Variants in PXDNL observed in about 807,000 individuals in gnomAD.
PXDNL encodes the protein probable oxidoreductase PXDNL.
PXDNL carries 145 observed loss-of-function variants against 150.8 expected under a neutral mutation model. The observed-to-expected ratio is 0.96, with a 90% CI of 0.84 to 1.10. PXDNL has a LOEUF of 1.10. Ranked by LOEUF, PXDNL falls within the 50% of genes least tolerant of loss-of-function variation. The pLI, the probability that PXDNL is intolerant of heterozygous loss-of-function variation, is 0.00. For missense variants in PXDNL, 2,087 were observed against 1,873.9 expected (o/e 1.11, Z -2.10); for synonymous variants, 757 against 725.7 (o/e 1.04, Z -0.69).
intron 1 of PXDNL, among the ~76,000 whole-genome samples, chr8:51,745,967 C>A (rs749909507): frequency 4.1e-4 from 63 of 152,136 alleles, no homozygotes; most frequent in Non-Finnish European, 8.2e-4. Context: ...CCATGTTGAC[C>A]AGGCTGGTCT....
At chr8:51,778,299 TAATA>T (rs944849069) in intron 1 of PXDNL, among the ~76,000 whole-genome samples, 1 of 151,500 alleles carries the variant, frequency 6.6e-6, no homozygotes, top group African/African-American at 2.4e-5. Context: ...ATCAATAAAT[TAATA>T]AATAAACAAA....
chr8:51,431,840 C>G (rs1809254117), intron 12 of PXDNL, among the ~76,000 whole-genome samples: 1 of 152,132 alleles, frequency 6.6e-6, no homozygotes, highest in Non-Finnish European at 1.5e-5. Context: ...TAACTTTTTC[C>G]CAAGCTGTAT....
intron 1 of PXDNL, among the ~76,000 whole-genome samples, chr8:51,738,063 A>G (rs976906621): frequency 1.3e-5 from 2 of 152,206 alleles, no homozygotes; most frequent in Admixed American, 1.3e-4. Flanking sequence ...AGTATTGGAC[A>G]GACACACCAA....
At chr8:51,751,543 T>C (rs2037045436) in intron 1 of PXDNL, among the ~76,000 whole-genome samples, 1 of 152,204 alleles carries the variant, frequency 6.6e-6, no homozygotes, top group Non-Finnish European at 1.5e-5. Flanking sequence ...TTAGATGACT[T>C]TGTCTGACCC....
intron 17 of PXDNL, among the ~76,000 whole-genome samples, chr8:51,388,980 T>C (rs938463016): frequency 6.6e-6 from 1 of 152,244 alleles, no homozygotes; most frequent in Non-Finnish European, 1.5e-5. Flanking sequence ...TAATGTTAAA[T>C]GCACAGAGTC....
intron 1 of PXDNL, among the ~76,000 whole-genome samples, chr8:51,706,803 C>T (rs556358993): frequency 1.3e-5 from 2 of 152,276 alleles, no homozygotes; most frequent in East Asian, 3.9e-4. Context: ...TTCTTACGCT[C>T]CTCTTTGCTA....
intron 1 of PXDNL, among the ~76,000 whole-genome samples, chr8:51,723,711 C>G (rs1354805776): frequency 1.3e-5 from 2 of 152,182 alleles, no homozygotes; most frequent in Non-Finnish European, 2.9e-5. Flanking sequence ...GGAGCACCAG[C>G]AGGTCGACAA....
intron 17 of PXDNL, among the ~76,000 whole-genome samples, chr8:51,376,176 A>C (rs1235246214): frequency 6.6e-6 from 1 of 152,246 alleles, no homozygotes; most frequent in African/African-American, 2.4e-5. Flanking sequence ...AGACAATGCC[A>C]AACTGCTATC....
chr8:51,515,650 G>GA (rs1811520067), intron 4 of PXDNL, among the ~76,000 whole-genome samples: 2 of 152,220 alleles, frequency 1.3e-5, no homozygotes, highest in South Asian at 4.1e-4. Context: ...TCCCACAGGG[G>GA]AGAGAATAAG....
chr8:51,490,780 A>G (rs1431752120), intron 5 of PXDNL, among the ~76,000 whole-genome samples: 1 of 151,360 alleles, frequency 6.6e-6, no homozygotes, highest in Non-Finnish European at 1.5e-5. Flanking sequence ...CAGGGGTAGC[A>G]TAAGCAAGAT....
intron 5 of PXDNL, among the ~76,000 whole-genome samples, chr8:51,487,575 T>G (rs1226852057): frequency 1.3e-5 from 2 of 152,202 alleles, no homozygotes; most frequent in African/African-American, 4.8e-5. Flanking sequence ...CATTCAATTT[T>G]CTGCCGGAGC....
chr8:51,498,398 T>G (rs1264604741), intron 5 of PXDNL, among the ~76,000 whole-genome samples: 1 of 151,974 alleles, frequency 6.6e-6, no homozygotes, highest in African/African-American at 2.4e-5. Flanking sequence ...AACCTGCATG[T>G]TGTACACATG....
At chr8:51,621,943 CA>C (rs71237221) in intron 2 of PXDNL, among the ~76,000 whole-genome samples, 88 of 128,248 alleles carry the variant, frequency 6.9e-4, no homozygotes, top group East Asian at 4.4e-3. Context: ...GACCCTGTCT[CA>C]AAAAAAAAAA....
At chr8:51,387,671 C>T (rs2130828214) in intron 17 of PXDNL, among the ~76,000 whole-genome samples, 1 of 152,204 alleles carries the variant, frequency 6.6e-6, no homozygotes, top group Non-Finnish European at 1.5e-5. Flanking sequence ...AACGTAATTA[C>T]TAATTGAATG....
At position 51,800,482 on chromosome 8, in the gene PXDNL, GC is replaced by G. The variant is rs1172780189; in HGVS notation, c.164+8698del. ...AAGGCTTCCCCAAGGTGAGCTCTGA[GC>G]TGCTTCTGCAGAACAAGCACAGGCA... On this transcript the variant is annotated intron_variant, in intron 1 of 22. Coordinates refer to ENST00000356297, the MANE Select transcript of PXDNL (RefSeq NM_144651.5). Among the ~76,000 whole-genome samples, 7 of 152,270 alleles carry G rather than the reference GC, an allele frequency of 4.6e-5. No homozygotes were observed. The East Asian group carries it at 1.4e-3, about 29-fold the overall frequency.
At chr8:51,403,711 G>A (rs115011123) in intron 17 of PXDNL, among the ~76,000 whole-genome samples, 4,581 of 152,228 alleles carry the variant, frequency 0.03, 176 homozygotes, top group African/African-American at 0.089. Context: ...TTTCCGCACC[G>A]CTATGATCTA....
At position 51,543,905 on chromosome 8, in the gene PXDNL, T is replaced by C. The variant is rs116569578; in HGVS notation, c.380+12935A>G. Reference sequence around the variant, plus strand: ...AGGATAATCAATAAAAATATGAAAATATGTCAGCTCTATCAGTGAAATAAA... The same window carrying C: ...AGGATAATCAATAAAAATATGAAAACATGTCAGCTCTATCAGTGAAATAAA... On this transcript the variant is annotated intron_variant, in intron 4 of 22. Transcript: ENST00000356297. 6.3e-3 allele frequency among the ~76,000 whole-genome samples: 961 copies of C among 151,938 alleles called. 13 individuals carry two copies. Among genetic ancestry groups the C allele is most frequent in the African/African-American group, 0.022 (908 of 41,418 alleles).
At chr8:51,768,785 C>T (rs895003609) in intron 1 of PXDNL, among the ~76,000 whole-genome samples, 1 of 152,132 alleles carries the variant, frequency 6.6e-6, no homozygotes, top group African/African-American at 2.4e-5. Flanking sequence ...ATAAATTAGG[C>T]CAAAACAGAA....
chr8:51,669,198 T>C (rs1169977631), intron 1 of PXDNL, among the ~76,000 whole-genome samples: 8 of 152,242 alleles, frequency 5.3e-5, no homozygotes, highest in Non-Finnish European at 1.5e-5. Flanking sequence ...TTCAGATTTT[T>C]TAAATGCGGA....
Sources: gnomAD v4.1 joint callset for allele counts (sites outside exome capture counted in the v4.1 genomes callset) on GRCh38, gnomAD v4.1.1 for gene constraint, MANE v1.5 for transcripts, NCBI Gene and HGNC (gene_info 2026-07-23, HGNC 2026-07-21) for gene names.